The following SV2C variants were observed in gnomAD, a reference collection of about 807,000 sequenced individuals.
The protein encoded by SV2C is solute carrier family 22 member B3.
Under a neutral mutation model 79.7 loss-of-function variants are expected in SV2C, and 49 were observed. The observed-to-expected ratio is 0.61, with a 90% confidence interval of 0.49 to 0.78. The LOEUF is 0.78. SV2C is among the 30% of genes least tolerant of loss of function. SV2C has a pLI of 0.00. For synonymous variants in SV2C, 334 were observed against 333.2 expected (o/e 1.00, Z -0.03); for missense variants, 833 against 912.9 (o/e 0.91, Z 1.13).
chr5:75,952,294 C>T, the SV2C span, among the ~76,000 whole-genome samples: 15 of 138,656 alleles, frequency 1.1e-4, no homozygotes, highest in East Asian at 9.8e-4. Flanking sequence ...TTCCTTTCTT[C>T]CTTCCTTCCT....
chr5:75,923,821 C>T, the SV2C span, among the ~76,000 whole-genome samples: 3 of 152,128 alleles, frequency 2.0e-5, no homozygotes, highest in Non-Finnish European at 2.9e-5. Flanking sequence ...GAATGTAAAT[C>T]AGTACAACCA....
the SV2C span, among the ~76,000 whole-genome samples, chr5:76,054,429 T>TAGGAG: frequency 6.6e-6 from 1 of 152,266 alleles, no homozygotes; most frequent in Non-Finnish European, 1.5e-5. Context: ...GTCTTTGCTA[T>TAGGAG]TGTAAATAGT....
the SV2C span, among the ~76,000 whole-genome samples, chr5:75,930,246 C>T: frequency 3.9e-5 from 6 of 151,984 alleles, no homozygotes; most frequent in South Asian, 2.1e-4. Context: ...TCAGGTGCAG[C>T]GTGCAGACGT....
chr5:76,097,344 T>C (rs746461352), intron 1 of SV2C, among the ~76,000 whole-genome samples: 15 of 152,342 alleles, frequency 9.8e-5, no homozygotes, highest in Admixed American at 2.6e-4. Flanking sequence ...TATTTTGTTG[T>C]GTTTAAAGTC....
intron 2 of SV2C, among the ~76,000 whole-genome samples, chr5:76,162,080 A>G (rs1742912721): frequency 6.6e-6 from 1 of 151,024 alleles, no homozygotes; most frequent in Non-Finnish European, 1.5e-5. Context: ...GCTTAGAAGA[A>G]AAAAAAAAGC....
chr5:76,197,999 G>A (rs1223474885), intron 3 of SV2C, among the ~76,000 whole-genome samples: 1 of 152,186 alleles, frequency 6.6e-6, no homozygotes, highest in Non-Finnish European at 1.5e-5. Flanking sequence ...GGAGAGGAAG[G>A]ATGTCCCAGC....
chr5:75,891,778 A>G, the SV2C span, among the ~76,000 whole-genome samples: 1 of 152,090 alleles, frequency 6.6e-6, no homozygotes, highest in Non-Finnish European at 1.5e-5. Context: ...TGGGAAAGGA[A>G]TGTGCCACTG....
intron 1 of SV2C, among the ~76,000 whole-genome samples, chr5:76,125,798 C>T (rs1174331315): frequency 1.3e-5 from 2 of 152,152 alleles, no homozygotes; most frequent in East Asian, 3.9e-4. Flanking sequence ...TGGCTCACAC[C>T]TGTAATCCCA....
chr5:75,849,024 G>A, the SV2C span, among the ~76,000 whole-genome samples: 2 of 152,226 alleles, frequency 1.3e-5, no homozygotes, highest in African/African-American at 4.8e-5. Flanking sequence ...TTGACCTCCA[G>A]TGCTCTTCCC....
At chr5:76,317,902 A>C (rs1401472439) in intron 12 of SV2C, among the ~76,000 whole-genome samples, 1 of 152,144 alleles carries the variant, frequency 6.6e-6, no homozygotes, top group Non-Finnish European at 1.5e-5. Context: ...CCAGTGTTTA[A>C]ACAATGGCTA....
At chr5:76,178,697 A>T (rs548203776) in intron 2 of SV2C, among the ~76,000 whole-genome samples, 1 of 152,356 alleles carries the variant, frequency 6.6e-6, no homozygotes, top group South Asian at 2.1e-4. Context: ...TGAAAAAGAC[A>T]TATCATTTTC....
the SV2C span, among the ~76,000 whole-genome samples, chr5:75,878,581 C>G: frequency 6.6e-6 from 1 of 152,250 alleles, no homozygotes; most frequent in Admixed American, 6.5e-5. Flanking sequence ...TTCCCCCACC[C>G]CAGCTCATAC....
the SV2C span, among the ~76,000 whole-genome samples, chr5:75,968,789 A>G: frequency 6.6e-6 from 1 of 152,228 alleles, no homozygotes; most frequent in East Asian, 1.9e-4. Flanking sequence ...AACCTATCAA[A>G]GTAGGCCAAC....
chr5:76,294,816 G>A (rs1338428453), intron 8 of SV2C, among the ~76,000 whole-genome samples: 1 of 152,154 alleles, frequency 6.6e-6, no homozygotes, highest in Non-Finnish European at 1.5e-5. Context: ...TCAAGAGGCA[G>A]AAAGGGGAAA....
At chr5:76,334,956 A>C (rs919398370), downstream of SV2C, among the ~76,000 whole-genome samples, 6 of 152,246 alleles carry the variant, frequency 3.9e-5, no homozygotes, top group East Asian at 1.2e-3. Context: ...AGCAAGCAAC[A>C]GTGGGCTGTG....
At chr5:75,983,572 C>T in the SV2C span, among the ~76,000 whole-genome samples, 1 of 147,562 alleles carries the variant, frequency 6.8e-6, no homozygotes, top group Non-Finnish European at 1.5e-5. Flanking sequence ...AAATCTGATG[C>T]AGGTTGCAAA....
the SV2C span, among the ~76,000 whole-genome samples, chr5:76,055,177 A>G: frequency 2.2e-4 from 33 of 152,266 alleles, no homozygotes; most frequent in African/African-American, 7.9e-4. Flanking sequence ...ATTTTTGTGT[A>G]AGGTGTAAGG....
intron 4 of SV2C, among the ~76,000 whole-genome samples, chr5:76,231,384 A>G (rs1745412828): frequency 6.6e-6 from 1 of 152,296 alleles, no homozygotes; most frequent in African/African-American, 2.4e-5. Context: ...TTATGAAAAG[A>G]TCCAGGAGTT....
the SV2C span, among the ~76,000 whole-genome samples, chr5:75,993,520 C>T: frequency 5.3e-5 from 8 of 152,028 alleles, no homozygotes; most frequent in East Asian, 1.9e-4. Context: ...TCCCACGAAA[C>T]GGACACTGGC....
Sources: allele counts gnomAD v4.1 joint callset (sites outside exome capture counted in the v4.1 genomes callset), GRCh38; gene constraint gnomAD v4.1.1; transcripts MANE v1.5; gene names NCBI Gene and HGNC (gene_info 2026-07-23, HGNC 2026-07-21).